The following ME2 variants were observed in gnomAD, a reference collection of about 807,000 sequenced individuals.
ME2 encodes NAD-dependent malic enzyme, mitochondrial.
ME2 carries 60 observed loss-of-function variants against 73.7 expected under a neutral mutation model. The observed-to-expected ratio is 0.81, with a 90% CI of 0.66 to 1.01. The LOEUF is 1.01. Ranked by LOEUF, ME2 falls within the 50% of genes least tolerant of loss-of-function variation. The pLI is 0.00. For missense variants in ME2, 594 were observed against 705.5 expected (o/e 0.84, Z 1.79); for synonymous variants, 199 against 236.9 (o/e 0.84, Z 1.47).
chr18:50,886,128 G>T (rs757335479), intron 1 of ME2, among the ~76,000 whole-genome samples: 1 of 149,704 alleles, frequency 6.7e-6, no homozygotes, highest in African/African-American at 2.5e-5. Context: ...GTGTGTGTGT[G>T]TATATATTTA....
At chr18:50,944,037 C>A (rs2144273979) in intron 15 of ME2, among the ~76,000 whole-genome samples, 1 of 151,996 alleles carries the variant, frequency 6.6e-6, no homozygotes, top group South Asian at 2.1e-4. Context: ...GACAACAAAG[C>A]AAGATCTCAT....
At position 50,882,144 on chromosome 18, in the gene ME2, G is replaced by T. The variant is rs750746368; in HGVS notation, c.-13+2836G>T. 6.3e-4 allele frequency among the ~76,000 whole-genome samples: 96 copies of T among 152,278 alleles called. 1 individual carries two copies. The highest frequency in any genetic ancestry group is 7.6e-4 in the Non-Finnish European group (52 of 68,024). On this transcript the variant is annotated intron_variant, in intron 1 of 15. Transcript: ENST00000321341. ...CTCTGAAGTAGCCAGGACTGCAGGTGTGTGCCACTACCCCCAGCTAGTTTT... is the reference window on the plus strand; with the variant it reads ...CTCTGAAGTAGCCAGGACTGCAGGTTTGTGCCACTACCCCCAGCTAGTTTT...
intron 12 of ME2, among the ~76,000 whole-genome samples, chr18:50,926,135 G>A (rs1023292916): frequency 3.3e-5 from 5 of 152,082 alleles, no homozygotes; most frequent in African/African-American, 1.2e-4. Flanking sequence ...AATTTTCTAT[G>A]TATTTTAAAC....
Position 50,954,038 on chromosome 18 carries a change from T to G in ME2, c.*6854T>G, listed in dbSNP as rs1199332812. The G allele has an allele frequency of 8.5e-5, 13 of 152,240 alleles. No homozygotes were observed. Among genetic ancestry groups the G allele is most frequent in the Admixed American group, 8.5e-4 (13 of 15,282 alleles). The allele number at this position is 152,240 out of a possible 1,614,324, so 9.4% of individuals were successfully genotyped here. On this transcript the variant is annotated 3_prime_UTR_variant, in exon 16 of 16. Transcript: ENST00000321341. ...CTTTCACATCTGAGTGTTGATAAGATGACGGAATGGGTAGTCTTGTAGTAA... is the reference window on the plus strand; with the variant it reads ...CTTTCACATCTGAGTGTTGATAAGAGGACGGAATGGGTAGTCTTGTAGTAA...
chr18:50,919,746 T>A (rs1269019363), intron 7 of ME2, among the ~76,000 whole-genome samples: 1 of 152,104 alleles, frequency 6.6e-6, no homozygotes, highest in East Asian at 1.9e-4. Context: ...ATGTGAATAT[T>A]TTCCTTTCTC....
chr18:50,895,024 A>T (rs1916703147), intron 1 of ME2, among the ~76,000 whole-genome samples: 1 of 152,008 alleles, frequency 6.6e-6, no homozygotes, highest in Non-Finnish European at 1.5e-5. Flanking sequence ...TTTCTCCACA[A>T]ATAGAAATCC....
chr18:50,908,340 T>A (rs1917065118), intron 3 of ME2, 144 bp downstream of exon 3: 1 of 558,108 alleles, frequency 1.8e-6, no homozygotes, highest in Non-Finnish European at 3.0e-6. Context: ...AGATTGTGTT[T>A]CTTTCACTTC....
chr18:50,896,776 T>TG, intron 2 of ME2, among the ~76,000 whole-genome samples: 1 of 152,318 alleles, frequency 6.6e-6, no homozygotes, highest in South Asian at 2.1e-4. Context: ...AATTGTTAAT[T>TG]GTTATCCTAT....
intron 4 of ME2, among the ~76,000 whole-genome samples, chr18:50,914,264 A>G (rs1917233383): frequency 6.6e-6 from 1 of 152,216 alleles, no homozygotes; most frequent in African/African-American, 2.4e-5. Flanking sequence ...CTGTAACTAA[A>G]ACATTTCTGT....
At chr18:50,915,208 TAGTC>T (rs1340687469) in intron 4 of ME2, among the ~76,000 whole-genome samples, 2 of 152,102 alleles carry the variant, frequency 1.3e-5, no homozygotes, top group Non-Finnish European at 2.9e-5. Flanking sequence ...AAAATAGTGT[TAGTC>T]AGCCAGGCAC....
At chr18:50,926,505 T>C (rs1043046628) in intron 12 of ME2, among the ~76,000 whole-genome samples, 12 of 152,222 alleles carry the variant, frequency 7.9e-5, no homozygotes, top group Non-Finnish European at 1.8e-4. Context: ...TTATTCCACA[T>C]GGGGATTATA....
At chr18:50,903,810 C>T (rs1916946919) in intron 2 of ME2, among the ~76,000 whole-genome samples, 1 of 152,120 alleles carries the variant, frequency 6.6e-6, no homozygotes, top group African/African-American at 2.4e-5. Flanking sequence ...TTTTCCTTTA[C>T]CCTTTTGCTA....
intron 15 of ME2, among the ~76,000 whole-genome samples, chr18:50,941,961 T>G (rs998264061): frequency 5.3e-5 from 8 of 151,992 alleles, no homozygotes; most frequent in African/African-American, 1.9e-4. Context: ...ATATACTGTT[T>G]GCTGTGGTGC....
intron 1 of ME2, among the ~76,000 whole-genome samples, chr18:50,881,366 A>G (rs1916317528): frequency 6.6e-6 from 1 of 152,214 alleles, no homozygotes; most frequent in African/African-American, 2.4e-5. Flanking sequence ...CACAAATAAC[A>G]TTAAAACCTA....
chr18:50,892,698 C>T (rs1451764650), intron 1 of ME2, among the ~76,000 whole-genome samples: 1 of 151,874 alleles, frequency 6.6e-6, no homozygotes, highest in African/African-American at 2.4e-5. Flanking sequence ...AGTTGATTGT[C>T]TCAGATTTTC....
At chr18:50,922,136 A>T (rs1293940983) in intron 10 of ME2, among the ~76,000 whole-genome samples, 14 of 152,242 alleles carry the variant, frequency 9.2e-5, no homozygotes, top group Non-Finnish European at 1.5e-5. Flanking sequence ...CCAGTATTCT[A>T]TTAGTACAAA....
intron 1 of ME2, among the ~76,000 whole-genome samples, chr18:50,879,574 G>T (rs1173343863): frequency 6.6e-6 from 1 of 152,226 alleles, no homozygotes; most frequent in Non-Finnish European, 1.5e-5. Flanking sequence ...AGGTTCCTCC[G>T]CCGGCTGGTG....
chr18:50,893,243 A>G (rs531293953), intron 1 of ME2, among the ~76,000 whole-genome samples: 1 of 152,112 alleles, frequency 6.6e-6, no homozygotes, highest in Non-Finnish European at 1.5e-5. Context: ...CAAAATTGTA[A>G]TTTTATGGTA....
At chr18:50,919,928 A>G (rs1266430504) in intron 7 of ME2, among the ~76,000 whole-genome samples, 1 of 152,016 alleles carries the variant, frequency 6.6e-6, no homozygotes, top group African/African-American at 2.4e-5. Flanking sequence ...GGGTCACCCT[A>G]ATAACAGCCT....
Sources: allele counts gnomAD v4.1 joint callset (sites outside exome capture counted in the v4.1 genomes callset), GRCh38; gene constraint gnomAD v4.1.1; transcripts MANE v1.5; gene names NCBI Gene and HGNC (gene_info 2026-07-23, HGNC 2026-07-21).